Variants in ABLIM3 observed in about 807,000 individuals in gnomAD.
ABLIM3 encodes actin-binding LIM protein 3.
ABLIM3 carries 61 observed loss-of-function variants against 109.5 expected under a neutral mutation model. That is an observed-to-expected ratio of 0.56 (90% confidence interval 0.45 to 0.69). ABLIM3 has a LOEUF of 0.69. Ranked by LOEUF, ABLIM3 falls within the 30% of genes least tolerant of loss-of-function variation. ABLIM3 has a pLI of 0.00. For missense variants in ABLIM3, 796 were observed against 889.5 expected (o/e 0.89, Z 1.34); for synonymous variants, 300 against 324.8 (o/e 0.92, Z 0.82).
chr5:149,254,609 G>T (rs571670422), intron 23 of ABLIM3, among the ~76,000 whole-genome samples: 171 of 152,276 alleles, frequency 1.1e-3, no homozygotes, highest in African/African-American at 3.9e-3. Context: ...CGTTAGCCAG[G>T]AAGCTCTGTG....
chr5:149,257,162 C>T (rs1205091893), intron 23 of ABLIM3, among the ~76,000 whole-genome samples: 1 of 152,024 alleles, frequency 6.6e-6, no homozygotes, highest in Non-Finnish European at 1.5e-5. Flanking sequence ...AAAAATTAGC[C>T]CAACGTGATT....
chr5:149,181,704 GTTTTGGAGATCATAGATCTC>G (rs1309426755), intron 2 of ABLIM3, among the ~76,000 whole-genome samples: 1 of 152,184 alleles, frequency 6.6e-6, no homozygotes, highest in Non-Finnish European at 1.5e-5. Context: ...GATGAGATCA[GTTTTGGAGATCATAGATCTC>G]TTTGAGAATA....
At chr5:149,248,625 G>A (rs145292129) in intron 18 of ABLIM3, among the ~76,000 whole-genome samples, 2,401 of 144,672 alleles carry the variant, frequency 0.017, 68 homozygotes, top group African/African-American at 0.058. Flanking sequence ...AGGAGGCGGA[G>A]CTTGCAGTGA....
At chr5:149,196,690 T>C (rs7720260) in intron 3 of ABLIM3, among the ~76,000 whole-genome samples, 85,584 of 152,092 alleles carry the variant, frequency 0.56, 24,659 homozygotes, top group African/African-American at 0.7. Context: ...TCCTCGCTGG[T>C]GCATCCTTGC....
chr5:149,177,498 T>A, intron 2 of ABLIM3, among the ~76,000 whole-genome samples: 1 of 152,152 alleles, frequency 6.6e-6, no homozygotes, highest in Non-Finnish European at 1.5e-5. Flanking sequence ...AAATGCCCAA[T>A]TCACACATTT....
At chr5:149,176,284 T>C (rs1200807598) in intron 2 of ABLIM3, among the ~76,000 whole-genome samples, 1 of 152,252 alleles carries the variant, frequency 6.6e-6, no homozygotes, top group Non-Finnish European at 1.5e-5. Flanking sequence ...TGAATTGCTC[T>C]TCCTATTTCC....
intron 8 of ABLIM3, among the ~76,000 whole-genome samples, chr5:149,227,844 C>A (rs997861465): frequency 2.0e-4 from 30 of 152,316 alleles, no homozygotes; most frequent in Middle Eastern, 3.4e-3. Flanking sequence ...TGCCATGTTT[C>A]TTTTGTTTAT....
Position 149,251,431 on chromosome 5 carries a change from C to CCTGCAGGGGGT in ABLIM3, c.1849+21_1849+31dup, listed in dbSNP as rs1411189439. 6.2e-7 allele frequency: 1 copy of CCTGCAGGGGGT among 1,613,792 alleles called. No individual in the cohort carries two copies. The highest frequency in any genetic ancestry group is 8.5e-7 in the Non-Finnish European group (1 of 1,179,898). On this transcript the variant is annotated intron_variant, in intron 21 of 23. Coordinates refer to ENST00000309868, the MANE Select transcript of ABLIM3 (RefSeq NM_014945.5). ...CTGGGGCATGCGAGGTGAGTGCAGGCCTGCAGGGGGTCTGCAGGGAGAGTG... is the reference window on the plus strand; with the variant it reads ...CTGGGGCATGCGAGGTGAGTGCAGGCCTGCAGGGGGTCTGCAGGGGGTCTGCAGGGAGAGTG...
At chr5:149,171,158 A>G (rs1755378732) in intron 2 of ABLIM3, among the ~76,000 whole-genome samples, 1 of 152,214 alleles carries the variant, frequency 6.6e-6, no homozygotes. Context: ...TTGAGTGCCT[A>G]TAGTACTGGA....
At chr5:149,234,256 G>C (rs1762138073) in intron 10 of ABLIM3, among the ~76,000 whole-genome samples, 1 of 152,232 alleles carries the variant, frequency 6.6e-6, no homozygotes, top group Non-Finnish European at 1.5e-5. Flanking sequence ...AGCTAAAGGA[G>C]GTGGGAAACG....
At chr5:149,252,862 G>A in intron 23 of ABLIM3, 25 bp downstream of exon 23, 4 of 1,594,072 alleles carry the variant, frequency 2.5e-6, no homozygotes, top group Non-Finnish European at 3.4e-6. Context: ...CTGAGCAGGA[G>A]CTCTTGGGTT....
At chr5:149,155,983 C>T (rs1753839643) in intron 2 of ABLIM3, among the ~76,000 whole-genome samples, 1 of 152,204 alleles carries the variant, frequency 6.6e-6, no homozygotes, top group Non-Finnish European at 1.5e-5. Flanking sequence ...CCTCATGCAT[C>T]AGAGGGCCTG....
intron 2 of ABLIM3, chr5:149,174,866 T>A (rs1279445784): frequency 2.0e-5 from 3 of 152,232 alleles, no homozygotes; most frequent in African/African-American, 7.2e-5. Flanking sequence ...ACATATAAAA[T>A]GGAGATCATA....
chr5:149,252,543 T>C (rs1754032479), intron 22 of ABLIM3: 1 of 562,392 alleles, frequency 1.8e-6, no homozygotes, highest in Non-Finnish European at 3.2e-6. Flanking sequence ...AGCTTATTCC[T>C]AGTAGTATTA....
intron 2 of ABLIM3, among the ~76,000 whole-genome samples, chr5:149,171,908 GTTTCT>G (rs200363338): frequency 0.42 from 63,081 of 151,994 alleles, 13,625 homozygotes; most frequent in East Asian, 0.67. Context: ...CACTCCATGA[GTTTCT>G]ATTGTCCACT....
chr5:149,166,576 C>G (rs542120441), intron 2 of ABLIM3, among the ~76,000 whole-genome samples: 1 of 152,188 alleles, frequency 6.6e-6, no homozygotes, highest in Admixed American at 6.5e-5. Context: ...TCTTTTTACC[C>G]CACCTGATGG....
intron 6 of ABLIM3, among the ~76,000 whole-genome samples, chr5:149,207,372 C>T (rs1313468866): frequency 1.3e-5 from 2 of 152,162 alleles, no homozygotes; most frequent in Admixed American, 1.3e-4. Flanking sequence ...CCTTCTCTCC[C>T]TTCTGGTCTC....
At chr5:149,254,664 G>A (rs1442191953) in intron 23 of ABLIM3, among the ~76,000 whole-genome samples, 1 of 152,084 alleles carries the variant, frequency 6.6e-6, no homozygotes, top group African/African-American at 2.4e-5. Flanking sequence ...CCAGGAAGTG[G>A]GTGATTCTCC....
At chr5:149,251,482 C>T in intron 21 of ABLIM3, 63 bp downstream of exon 21, 1 of 1,572,426 alleles carries the variant, frequency 6.4e-7, no homozygotes, top group East Asian at 2.3e-5. Context: ...CTCAAAACTG[C>T]AGCTTGACCT....
Sources: gnomAD v4.1 joint callset for allele counts (sites outside exome capture counted in the v4.1 genomes callset) on GRCh38, gnomAD v4.1.1 for gene constraint, MANE v1.5 for transcripts, NCBI Gene and HGNC (gene_info 2026-07-23, HGNC 2026-07-21) for gene names.